The following USP38 variants were observed in gnomAD, a reference collection of about 807,000 sequenced individuals.
The protein encoded by USP38 is ubiquitin specific peptidase 38.
USP38 carries 49 observed loss-of-function variants against 94.3 expected under a neutral mutation model. That is an observed-to-expected ratio of 0.52 (90% CI 0.41 to 0.66). The LOEUF is 0.66. Among genes scored for constraint, USP38 ranks in the 30% least tolerant of loss-of-function variants. The pLI, the probability that USP38 is intolerant of heterozygous loss-of-function variation, is 0.00. For synonymous variants in USP38, 468 were observed against 463.6 expected, an observed-to-expected ratio of 1.01 and a Z score of -0.12; for missense variants, 1,128 against 1,229.4, an observed-to-expected ratio of 0.92 and a Z score of 1.23.
At chr4:143,213,401 A>G (rs763720627) in intron 8 of USP38, among the ~76,000 whole-genome samples, 180 bp from the exon 9 acceptor site, 126 of 152,270 alleles carry the variant, frequency 8.3e-4, no homozygotes, top group Non-Finnish European at 1.4e-3. Flanking sequence ...AGTAATAGCC[A>G]CCCAGCTTTT....
chr4:143,212,916 TTTA>T (rs1732067176), intron 8 of USP38, among the ~76,000 whole-genome samples: 1 of 152,114 alleles, frequency 6.6e-6, no homozygotes, highest in Admixed American at 6.6e-5. Context: ...AAATAATGGG[TTTA>T]TTATTGTTTG....
rs1295210827 is a variant in USP38, at chr4:143,214,698, G to A, written c.2722G>A (p.Glu908Lys). ...TTTTGAACAGGATTTGGAAAATAAGGAAATGTCAAAAGAATGGTTTTTATT... is the reference window on the plus strand; with the variant it reads ...TTTTGAACAGGATTTGGAAAATAAGAAAATGTCAAAAGAATGGTTTTTATT... ...AVFEQDLENK[E>K]MSKEWFLFND... Residue 908 changes from glutamate to lysine, a missense_variant, in exon 9 of 10, where the codon GAA becomes AAA. Physicochemically the swap from Glu to Lys is moderately conservative, Grantham distance 56. Coordinates refer to ENST00000307017, the MANE Select transcript of USP38 (RefSeq NM_032557.6). 1.2e-6 allele frequency: 2 copies of A among 1,613,666 alleles called. No individual in the cohort carries two copies. Among genetic ancestry groups the A allele is most frequent in the Non-Finnish European group, 1.7e-6 (2 of 1,179,796 alleles).
intron 2 of USP38, among the ~76,000 whole-genome samples, chr4:143,188,550 T>G (rs958435951): frequency 2.0e-5 from 3 of 152,128 alleles, no homozygotes; most frequent in Non-Finnish European, 2.9e-5. Flanking sequence ...TTGTGAGTAG[T>G]CAGCTTGTCT....
In USP38 at chr4:143,185,414, C is replaced by T. The variant is rs752985547; in HGVS notation, c.-37C>T. ...CACCTCGGGGCTGCCGCCACCCGCTCCTTATCCCCTGGCCCTGGCCTTGCA... is the reference window on the plus strand; with the variant it reads ...CACCTCGGGGCTGCCGCCACCCGCTTCTTATCCCCTGGCCCTGGCCTTGCA... On this transcript the variant is annotated 5_prime_UTR_variant, in exon 1 of 10. Coordinates refer to ENST00000307017, the MANE Select transcript of USP38 (RefSeq NM_032557.6). The T allele has an allele frequency of 2.0e-6, 3 of 1,536,514 alleles. No homozygotes were observed. The highest frequency in any genetic ancestry group is 4.5e-5 in the East Asian group (2 of 44,134).
intron 2 of USP38, among the ~76,000 whole-genome samples, chr4:143,191,881 G>A (rs1484679900): frequency 1.3e-5 from 2 of 152,196 alleles, no homozygotes; most frequent in Non-Finnish European, 2.9e-5. Flanking sequence ...ACTGATACAT[G>A]GTGGATAAGA....
intron 3 of USP38, among the ~76,000 whole-genome samples, chr4:143,196,554 T>C (rs1731554816): frequency 6.6e-6 from 1 of 152,162 alleles, no homozygotes; most frequent in African/African-American, 2.4e-5. Flanking sequence ...ACTCTCCTGA[T>C]TTTTGTCCTC....
intron 5 of USP38, chr4:143,204,500 C>G (rs1471243765): frequency 2.4e-6 from 1 of 420,666 alleles, no homozygotes; most frequent in Admixed American, 2.9e-5. Flanking sequence ...AGTGACCCTC[C>G]TGCCTCAGCC....
At position 143,214,415 on chromosome 4, in the gene USP38, C is replaced by G; in HGVS notation, c.2439C>G (p.Phe813Leu). ...LSESWSVDVD[F>L]TDLSENLAKK... ...AAAGTTGGTCTGTAGATGTTGACTTCACTGATCTTAGTGAGAACCTTGCTA... is the reference window on the plus strand; with the variant it reads ...AAAGTTGGTCTGTAGATGTTGACTTGACTGATCTTAGTGAGAACCTTGCTA... The change falls in exon 9 of 10, where the codon TTC becomes TTG. Residue 813 changes from phenylalanine (F) to leucine (L), a missense_variant. Transcript: ENST00000307017. 1 of 1,613,798 alleles carries G rather than the reference C, an allele frequency of 6.2e-7. No individual in the cohort carries two copies. Among genetic ancestry groups the G allele is most frequent in the Non-Finnish European group, 8.5e-7 (1 of 1,179,850 alleles).
At position 143,185,936 on chromosome 4, in the gene USP38, A is replaced by T. The variant is rs1390767514; in HGVS notation, c.486A>T (p.Lys162Asn). The T allele has an allele frequency of 6.2e-7, 1 of 1,614,150 alleles. No homozygotes were observed. The highest frequency in any genetic ancestry group is 1.7e-5 in the Admixed American group (1 of 60,008). ...TDFVQCIPKG[K>N]LSITFCQQLV... Reference sequence around the variant, plus strand: ...TTGTGCAATGCATCCCCAAGGGGAAATTGTCCATCACGTTCTGTCAACAGC... The same window carrying T: ...TTGTGCAATGCATCCCCAAGGGGAATTTGTCCATCACGTTCTGTCAACAGC... The change falls in exon 1 of 10, where the codon AAA becomes AAT. Residue 162 changes from lysine (K) to asparagine (N), a missense_variant. Transcript: ENST00000307017.
intron 2 of USP38, among the ~76,000 whole-genome samples, chr4:143,194,101 G>T (rs1488107796): frequency 6.6e-6 from 1 of 152,178 alleles, no homozygotes; most frequent in Non-Finnish European, 1.5e-5. Flanking sequence ...AAAGAAAAAA[G>T]ATGTCAGTCC....
rs7689333 is a variant in USP38 at position 143,195,539 on chromosome 4, A to G, written c.819-177A>G. Among the ~76,000 whole-genome samples, 724 of 152,388 alleles carry G rather than the reference A, an allele frequency of 4.8e-3. 8 individuals carry two copies. The highest frequency in any genetic ancestry group is 0.017 in the African/African-American group (690 of 41,596). Reference sequence around the variant, plus strand: ...AAACTGTCAGTTTACAAGATTGGAAATTCCATGAGAACAAGCACCTGTTAC... The same window carrying G: ...AAACTGTCAGTTTACAAGATTGGAAGTTCCATGAGAACAAGCACCTGTTAC... On this transcript the variant is annotated intron_variant, in intron 2 of 9. Transcript: ENST00000307017.
At chr4:143,206,717 G>T (rs1239042752) in intron 6 of USP38, among the ~76,000 whole-genome samples, 1 of 152,004 alleles carries the variant, frequency 6.6e-6, no homozygotes, top group Non-Finnish European at 1.5e-5. Flanking sequence ...CATTAATTCT[G>T]CTTATTATTC....
At chr4:143,205,454 G>A (rs1455846059) in intron 5 of USP38, among the ~76,000 whole-genome samples, 1 of 152,086 alleles carries the variant, frequency 6.6e-6, no homozygotes, top group Non-Finnish European at 1.5e-5. Context: ...TCCATATGTT[G>A]TAATAATTTT....
chr4:143,213,506 G>T, intron 8 of USP38, 75 bp from the exon 9 acceptor site: 1 of 1,365,742 alleles, frequency 7.3e-7, no homozygotes, highest in Non-Finnish European at 9.7e-7. Flanking sequence ...GTTTATAGAA[G>T]CCACTAATAT....
intron 5 of USP38, 27 bp downstream of exon 5, chr4:143,203,593 G>A (rs529524709): frequency 6.3e-7 from 1 of 1,592,740 alleles, no homozygotes; most frequent in South Asian, 1.2e-5. Flanking sequence ...ACCAATATTT[G>A]TGGAGTTGTG....
At chr4:143,193,622 G>A (rs1487325695) in intron 2 of USP38, among the ~76,000 whole-genome samples, 1 of 152,142 alleles carries the variant, frequency 6.6e-6, no homozygotes. Flanking sequence ...GAGAATGGAG[G>A]GAACATACAC....
intron 2 of USP38, among the ~76,000 whole-genome samples, chr4:143,194,632 C>G (rs1313631187): frequency 1.3e-5 from 2 of 152,100 alleles, no homozygotes; most frequent in Non-Finnish European, 2.9e-5. Flanking sequence ...CTCAGCCTCC[C>G]GAGTAGCTGG....
chr4:143,204,529 C>A (rs1279807558), intron 5 of USP38: 45 of 395,240 alleles, frequency 1.1e-4, no homozygotes, highest in Middle Eastern at 4.9e-4. Flanking sequence ...AGCTGGGACT[C>A]CAGGTGCACA....
chr4:143,214,788 A>G lies in USP38; in HGVS notation c.2812A>G (p.Lys938Glu). The change falls in exon 9 of 10, where the codon AAG (lysine) becomes GAG (glutamate). Residue 938 changes from lysine (K) to glutamate (E), a missense_variant. Physicochemically the swap from Lys to Glu is moderately conservative, Grantham distance 56. Coordinates refer to ENST00000307017, the MANE Select transcript of USP38 (RefSeq NM_032557.6). ...SVQKITSRFP[K>E]DTAYVLLYKK... ...CCAGAAAATTACGAGCAGGTTTCCA[A>G]AGGACACAGCTTATGTGCTTTTGTA... 6.2e-7 allele frequency: 1 copy of G among 1,613,792 alleles called. No individual in the cohort carries two copies. The highest frequency in any genetic ancestry group is 8.5e-7 in the Non-Finnish European group (1 of 1,179,794).
Sources: allele counts gnomAD v4.1 joint callset (sites outside exome capture counted in the v4.1 genomes callset), GRCh38; gene constraint gnomAD v4.1.1; transcripts MANE v1.5; gene names NCBI Gene and HGNC (gene_info 2026-07-23, HGNC 2026-07-21).